The following SNX24 variants were observed in gnomAD, a reference collection of about 807,000 sequenced individuals.
SNX24 encodes the protein sorting nexin-24.
SNX24 carries 22 observed loss-of-function variants against 28.7 expected under a neutral mutation model. The ratio of observed to expected loss-of-function variants is 0.77; its 90% CI spans 0.55 to 1.10. The LOEUF is 1.10. Ranked by LOEUF, SNX24 falls within the 50% of genes least tolerant of loss-of-function variation. The pLI is 0.00. For synonymous variants in SNX24, 69 were observed against 71.5 expected (o/e 0.96, Z 0.18); for missense variants, 221 against 201.1 (o/e 1.10, Z -0.60).
At chr5:122,849,770 A>T (rs1754810559) in intron 1 of SNX24, among the ~76,000 whole-genome samples, 1 of 152,176 alleles carries the variant, frequency 6.6e-6, no homozygotes, top group South Asian at 2.1e-4. Flanking sequence ...AGTATCCCCA[A>T]GCTATAAACT....
chr5:122,858,646 G>T (rs1255619783), intron 1 of SNX24, among the ~76,000 whole-genome samples: 2 of 152,196 alleles, frequency 1.3e-5, no homozygotes, highest in African/African-American at 4.8e-5. Flanking sequence ...GTTTATGAGT[G>T]TATATCCTCC....
chr5:122,995,164 A>G (rs1014954919), intron 3 of SNX24, among the ~76,000 whole-genome samples: 19 of 152,320 alleles, frequency 1.2e-4, no homozygotes, highest in East Asian at 9.6e-4. Flanking sequence ...TTTTCATACT[A>G]TGTCACTTTT....
At chr5:122,894,232 C>T (rs1012011270) in intron 1 of SNX24, among the ~76,000 whole-genome samples, 11 of 152,138 alleles carry the variant, frequency 7.2e-5, no homozygotes, top group Admixed American at 1.3e-4. Context: ...TTCCATTCTA[C>T]ACCCATGTCT....
At chr5:122,896,737 G>A (rs1757219550) in intron 1 of SNX24, among the ~76,000 whole-genome samples, 1 of 152,196 alleles carries the variant, frequency 6.6e-6, no homozygotes. Flanking sequence ...CCTTGTTTCT[G>A]TGATAGACCA....
chr5:122,908,012 G>A (rs1043517906), intron 1 of SNX24, among the ~76,000 whole-genome samples: 4 of 151,870 alleles, frequency 2.6e-5, no homozygotes, highest in African/African-American at 7.3e-5. Context: ...AAGTGTTCAC[G>A]AACAAATCAG....
At position 122,996,917 on chromosome 5, in the gene SNX24, T is replaced by G. The variant is rs865979015; in HGVS notation, c.250-2995T>G. 5.4e-4 allele frequency among the ~76,000 whole-genome samples: 82 copies of G among 152,216 alleles called. 2 individuals carry two copies. The highest frequency in any genetic ancestry group is 2.0e-3 in the African/African-American group (81 of 41,460). ...AGATTTAAACCCAACTGACATTTAT[T>G]CTATAGGATGACCCAGGGTACAGCT... On this transcript the variant is annotated intron_variant, in intron 3 of 6. Transcript: ENST00000261369.
Position 123,003,017 on chromosome 5 carries a change from T to A in SNX24, c.442+1013T>A, listed in dbSNP as rs996914062. 6.6e-5 allele frequency among the ~76,000 whole-genome samples: 10 copies of A among 152,336 alleles called. No homozygotes were observed. In the East Asian group the frequency reaches 1.9e-3, roughly 29 times the overall value. ...TGTTGCCTATGTATTCCTTCTGTGC[T>A]CTTTGCATATAGTGAATCTTGTTTC... On this transcript the variant is annotated intron_variant, in intron 6 of 6. Coordinates refer to ENST00000261369, the MANE Select transcript of SNX24 (RefSeq NM_014035.4).
intron 5 of SNX24, chr5:123,024,100 A>C (rs186272431): frequency 6.9e-7 from 1 of 1,455,470 alleles, no homozygotes; most frequent in African/African-American, 1.4e-5. Context: ...CCAAGTGGGA[A>C]GGAAATAAGG....
At chr5:122,909,011 T>C (rs1373022666) in intron 1 of SNX24, among the ~76,000 whole-genome samples, 1 of 152,126 alleles carries the variant, frequency 6.6e-6, no homozygotes, top group Non-Finnish European at 1.5e-5. Flanking sequence ...CCTCACTGTG[T>C]ATCTTTTTTT....
chr5:122,853,842 A>C, intron 1 of SNX24: 1 of 177,710 alleles, frequency 5.6e-6, no homozygotes, highest in Admixed American at 5.9e-5. Flanking sequence ...CTGTTCCACT[A>C]GGAGTGTACA....
At chr5:122,871,263 G>A (rs565250832) in intron 1 of SNX24, among the ~76,000 whole-genome samples, 8 of 152,172 alleles carry the variant, frequency 5.3e-5, no homozygotes, top group African/African-American at 1.4e-4. Flanking sequence ...CTCTGGTACT[G>A]TTTAAAAACT....
intron 1 of SNX24, among the ~76,000 whole-genome samples, chr5:122,905,547 G>A (rs934338169): frequency 5.9e-5 from 9 of 152,122 alleles, no homozygotes; most frequent in African/African-American, 9.7e-5. Context: ...GGAGTATTTC[G>A]GATTTCAGAT....
intron 3 of SNX24, among the ~76,000 whole-genome samples, chr5:122,992,440 A>G (rs1226906446): frequency 1.3e-5 from 2 of 151,942 alleles, no homozygotes; most frequent in Non-Finnish European, 2.9e-5. Flanking sequence ...AGGTGCCCCC[A>G]TTGCTTAGCT....
At position 123,009,077 on chromosome 5, in the gene SNX24, G is replaced by A. The variant is rs751175240; in HGVS notation, c.*1328G>A. The A allele has an allele frequency of 7.1e-6, 7 of 985,588 alleles. No individual in the cohort carries two copies. Among genetic ancestry groups the A allele is most frequent in the Non-Finnish European group, 8.4e-6 (7 of 829,672 alleles). 61.1% of individuals were successfully genotyped at this position (985,588 alleles called of 1,614,324 possible). On this transcript the variant is annotated 3_prime_UTR_variant, in exon 7 of 7. Transcript: ENST00000261369. ...TATTATGATAGATTCTGTACTACATGTGGGAAACAAGCAAGAACTAAATAA... is the reference window on the plus strand; with the variant it reads ...TATTATGATAGATTCTGTACTACATATGGGAAACAAGCAAGAACTAAATAA...
intron 1 of SNX24, among the ~76,000 whole-genome samples, chr5:122,920,583 A>C (rs1006749104): frequency 2.0e-5 from 3 of 152,202 alleles, no homozygotes; most frequent in Non-Finnish European, 4.4e-5. Flanking sequence ...AGCAATACAC[A>C]GTTGTTATAC....
downstream of SNX24, among the ~76,000 whole-genome samples, chr5:123,010,753 T>A (rs1762558176): frequency 6.6e-6 from 1 of 152,210 alleles, no homozygotes; most frequent in African/African-American, 2.4e-5. Flanking sequence ...TTGAGTAATA[T>A]TTCATCTACA....
At chr5:122,927,390 G>A (rs868288986) in intron 1 of SNX24, among the ~76,000 whole-genome samples, 34 of 49,944 alleles carry the variant, frequency 6.8e-4, no homozygotes, top group South Asian at 4.2e-3. Context: ...TAGGTTTTTT[G>A]TAGGCTATTT....
chr5:122,869,581 C>T (rs959061688), intron 1 of SNX24, among the ~76,000 whole-genome samples: 1 of 152,122 alleles, frequency 6.6e-6, no homozygotes, highest in African/African-American at 2.4e-5. Flanking sequence ...CCTGAAATTT[C>T]TTCTTAAATA....
intron 1 of SNX24, among the ~76,000 whole-genome samples, chr5:122,856,799 AGCTACT>A (rs2150036959): frequency 6.6e-6 from 1 of 152,098 alleles, no homozygotes; most frequent in South Asian, 2.1e-4. Context: ...TACAGGCATG[AGCTACT>A]GCACCTGGTC....
Sources: allele counts gnomAD v4.1 joint callset (sites outside exome capture counted in the v4.1 genomes callset), GRCh38; gene constraint gnomAD v4.1.1; transcripts MANE v1.5; gene names NCBI Gene and HGNC (gene_info 2026-07-23, HGNC 2026-07-21).